The following GNAQ variants were observed in gnomAD, a reference collection of about 807,000 sequenced individuals.
The protein encoded by GNAQ is G protein subunit alpha q, also known as guanine nucleotide-binding protein G(q) subunit alpha.
A neutral mutation model predicts 43.9 loss-of-function variants in GNAQ; 8 were observed. That is an observed-to-expected ratio of 0.18 (90% CI 0.11 to 0.33). The LOEUF is 0.33. GNAQ is among the 10% of genes least tolerant of loss of function. The pLI, the probability that GNAQ is intolerant of heterozygous loss-of-function variation, is 1.00. For synonymous variants in GNAQ, 155 were observed against 170.7 expected, an observed-to-expected ratio of 0.91 and a Z score of 0.71; for missense variants, 158 against 450.8, an observed-to-expected ratio of 0.35 and a Z score of 5.88.
In GNAQ at chr9:77,853,709, C is replaced by A. The variant is rs796458522; in HGVS notation, c.322-37939G>T. 9.2e-4 allele frequency among the ~76,000 whole-genome samples: 124 copies of A among 134,202 alleles called. 1 individual carries two copies. The highest frequency in any genetic ancestry group is 3.1e-3 in the African/African-American group (112 of 36,014). The allele number at this position is 134,202 out of a possible 152,430, so 88.0% of individuals were successfully genotyped here. ...CCATGCTGTACGTAATAGAGAACAGCGGCTACTCCTGTGTGTCCTATTATT... is the reference window on the plus strand; with the variant it reads ...CCATGCTGTACGTAATAGAGAACAGAGGCTACTCCTGTGTGTCCTATTATT... On this transcript the variant is annotated intron_variant, in intron 2 of 6. Transcript: ENST00000286548.
intron 2 of GNAQ, among the ~76,000 whole-genome samples, chr9:77,858,413 CA>C (rs1827793907): frequency 3.3e-5 from 5 of 152,146 alleles, no homozygotes; most frequent in African/African-American, 9.7e-5. Flanking sequence ...CCCCCTCAAC[CA>C]TTTAGAGTGA....
chr9:77,974,297 G>GATT (rs1823273090), intron 1 of GNAQ, among the ~76,000 whole-genome samples: 1 of 152,112 alleles, frequency 6.6e-6, no homozygotes, highest in Non-Finnish European at 1.5e-5. Context: ...ATGAGCTAAT[G>GATT]AGGTCCAGGG....
intron 1 of GNAQ, among the ~76,000 whole-genome samples, chr9:78,022,049 G>C (rs577117486): frequency 6.6e-6 from 1 of 152,322 alleles, no homozygotes; most frequent in South Asian, 2.1e-4. Flanking sequence ...CACCAGGGGA[G>C]CTCTGGACAG....
intron 4 of GNAQ, 56 bp from the exon 5 acceptor site, chr9:77,794,648 A>G (rs2118445095): frequency 9.2e-7 from 1 of 1,083,920 alleles, no homozygotes; most frequent in Non-Finnish European, 1.4e-6. Context: ...TAAAAAGTCA[A>G]CATAAATATA....
At position 77,930,459 on chromosome 9, in the gene GNAQ, G is replaced by C. The variant is rs974959813; in HGVS notation, c.137-8114C>G. On this transcript the variant is annotated intron_variant, in intron 1 of 6. Coordinates refer to ENST00000286548, the MANE Select transcript of GNAQ (RefSeq NM_002072.5). ...CCAATTTGTCATTTTATTTTCATTT[G>C]TTGACAAAACTGATGCATAAATTTG... 7.9e-5 allele frequency among the ~76,000 whole-genome samples: 12 copies of C among 151,802 alleles called. 1 individual carries two copies. Among genetic ancestry groups the C allele is most frequent in the Admixed American group, 7.2e-4 (11 of 15,250 alleles).
Position 77,994,117 on chromosome 9 carries a change from A to G in GNAQ, c.136+36983T>C, listed in dbSNP as rs570838913. ...CTGCAGCTTTGATCTCCTGGGCTCA[A>G]GTGATCCTCCCACCTCTACCTCCAG... On this transcript the variant is annotated intron_variant, in intron 1 of 6. Coordinates refer to ENST00000286548, the MANE Select transcript of GNAQ (RefSeq NM_002072.5). 2.6e-5 allele frequency among the ~76,000 whole-genome samples: 4 copies of G among 152,296 alleles called. No homozygotes were observed. In the South Asian group the frequency reaches 8.3e-4, roughly 32 times the overall value.
intron 2 of GNAQ, among the ~76,000 whole-genome samples, chr9:77,835,579 A>G (rs1341104210): frequency 6.6e-6 from 1 of 152,190 alleles, no homozygotes; most frequent in African/African-American, 2.4e-5. Context: ...AAAAATAGCT[A>G]TCTTTGATTG....
intron 5 of GNAQ, among the ~76,000 whole-genome samples, chr9:77,743,886 T>C (rs1378074783): frequency 6.6e-6 from 1 of 152,194 alleles, no homozygotes; most frequent in Non-Finnish European, 1.5e-5. Context: ...AAACTCAAAG[T>C]AGAAGGAATT....
chr9:77,890,170 A>C (rs1828378417), intron 2 of GNAQ, among the ~76,000 whole-genome samples: 1 of 152,130 alleles, frequency 6.6e-6, no homozygotes, highest in African/African-American at 2.4e-5. Context: ...TCCCAATGTA[A>C]TTGCCGATTC....
intron 5 of GNAQ, among the ~76,000 whole-genome samples, chr9:77,734,758 A>G (rs1303298607): frequency 1.3e-5 from 2 of 152,198 alleles, no homozygotes; most frequent in Non-Finnish European, 2.9e-5. Context: ...TGTGTCCCCT[A>G]AGCTTTCTGC....
intron 2 of GNAQ, among the ~76,000 whole-genome samples, chr9:77,849,434 C>G (rs1827638251): frequency 1.3e-5 from 2 of 152,030 alleles, no homozygotes; most frequent in Admixed American, 6.6e-5. Flanking sequence ...AATGTGGAGC[C>G]ATGTGGGGTC....
intron 5 of GNAQ, among the ~76,000 whole-genome samples, chr9:77,775,140 T>G (rs1826287580): frequency 6.6e-6 from 1 of 152,200 alleles, no homozygotes; most frequent in Non-Finnish European, 1.5e-5. Flanking sequence ...CATAGTATTT[T>G]ATTTTTTAGG....
intron 1 of GNAQ, among the ~76,000 whole-genome samples, chr9:77,970,592 A>G (rs764325191): frequency 3.9e-5 from 6 of 152,238 alleles, no homozygotes; most frequent in Non-Finnish European, 7.3e-5. Flanking sequence ...GAAACCAATG[A>G]GAACAAAGAC....
chr9:77,930,194 C>T (rs368818589), intron 1 of GNAQ, among the ~76,000 whole-genome samples: 1 of 152,116 alleles, frequency 6.6e-6, no homozygotes, highest in South Asian at 2.1e-4. Flanking sequence ...CAGACCCATC[C>T]CCCACCTCAC....
intron 2 of GNAQ, among the ~76,000 whole-genome samples, chr9:77,824,591 C>T (rs1213963144): frequency 1.3e-5 from 2 of 152,136 alleles, no homozygotes; most frequent in African/African-American, 4.8e-5. Context: ...CAGTATTTTA[C>T]CATGACACTA....
intron 2 of GNAQ, among the ~76,000 whole-genome samples, chr9:77,875,667 A>G (rs1219780953): frequency 6.6e-6 from 1 of 152,204 alleles, no homozygotes; most frequent in African/African-American, 2.4e-5. Context: ...AATTAGGAGA[A>G]TCACAGAAGC....
At chr9:77,836,516 G>T (rs1362123825) in intron 2 of GNAQ, among the ~76,000 whole-genome samples, 1 of 151,828 alleles carries the variant, frequency 6.6e-6, no homozygotes, top group Non-Finnish European at 1.5e-5. Context: ...AGCAAACCAG[G>T]TTCTAGGGAA....
rs1829022048 is a variant in GNAQ at position 77,923,159 on chromosome 9, A to G, written c.137-814T>C. 2.0e-5 allele frequency among the ~76,000 whole-genome samples: 3 copies of G among 152,240 alleles called. 1 individual carries two copies. The South Asian group carries it at 6.2e-4, about 32-fold the overall frequency. ...TCCAATTTTAAAATGTGGCATAAGA[A>G]CACAGTATCCTGATAGGACAAGAAG... On this transcript the variant is annotated intron_variant, in intron 1 of 6. Transcript: ENST00000286548.
chr9:77,800,721 AT>A (rs1285106294), intron 3 of GNAQ, among the ~76,000 whole-genome samples: 1 of 152,144 alleles, frequency 6.6e-6, no homozygotes, highest in African/African-American at 2.4e-5. Flanking sequence ...TAATAAATAA[AT>A]TTAAAAAAGA....
Sources: allele counts gnomAD v4.1 joint callset (sites outside exome capture counted in the v4.1 genomes callset), GRCh38; gene constraint gnomAD v4.1.1; transcripts MANE v1.5; gene names NCBI Gene and HGNC (gene_info 2026-07-23, HGNC 2026-07-21).